The following NRTN variants were observed in gnomAD, a reference collection of about 807,000 sequenced individuals.
NRTN encodes the protein neurturin.
A neutral mutation model predicts 7.5 loss-of-function variants in NRTN; 3 were observed. The ratio of observed to expected loss-of-function variants is 0.40; its 90% CI spans 0.18 to 1.03. The LOEUF (loss-of-function observed/expected upper bound fraction) is 1.03, where lower values mean the gene tolerates loss of function less well. Ranked by LOEUF, NRTN falls within the 50% of genes least tolerant of loss-of-function variation. The probability of loss-of-function intolerance (pLI) is 0.34; values close to 1 mark genes in which losing one functional copy is unlikely to be tolerated. For missense variants in NRTN, 310 were observed against 307.0 expected, an observed-to-expected ratio of 1.01 and a Z score of -0.07; for synonymous variants, 157 against 146.6, an observed-to-expected ratio of 1.07 and a Z score of -0.51.
intron 2 of NRTN, among the ~76,000 whole-genome samples, chr19:5,825,635 G>A (rs2057043181): frequency 6.6e-6 from 1 of 152,234 alleles, no homozygotes; most frequent in African/African-American, 2.4e-5. Flanking sequence ...GGCAAAGCAC[G>A]AATGGAGGAA....
intron 1 of NRTN, among the ~76,000 whole-genome samples, chr19:5,808,316 G>C (rs1599633168): frequency 1.3e-5 from 2 of 152,332 alleles, no homozygotes; most frequent in East Asian, 3.9e-4. Flanking sequence ...GCCTCATTAG[G>C]CTGATCCTGT....
chr19:5,825,969 C>T (rs1040664826), intron 2 of NRTN, among the ~76,000 whole-genome samples: 3 of 152,110 alleles, frequency 2.0e-5, no homozygotes, highest in African/African-American at 7.2e-5. Flanking sequence ...CCTGTCTCTA[C>T]TAAAATTACA....
At chr19:5,812,602 C>T (rs954628869) in intron 1 of NRTN, among the ~76,000 whole-genome samples, 5 of 152,252 alleles carry the variant, frequency 3.3e-5, no homozygotes, top group Non-Finnish European at 7.3e-5. Flanking sequence ...GCTGTCCTGG[C>T]TGCCTCATCC....
chr19:5,827,234 T>C (rs2057049802), intron 2 of NRTN, among the ~76,000 whole-genome samples: 1 of 151,924 alleles, frequency 6.6e-6, no homozygotes, highest in African/African-American at 2.4e-5. Context: ...TATGACAACC[T>C]CACTAAAGAG....
At chr19:5,808,847 C>T (rs1024959593) in intron 1 of NRTN, among the ~76,000 whole-genome samples, 2 of 151,652 alleles carry the variant, frequency 1.3e-5, no homozygotes, top group African/African-American at 4.9e-5. Context: ...GCTCCGCCTC[C>T]CGGGTTCACA....
At chr19:5,810,147 G>C (rs1174800300) in intron 1 of NRTN, among the ~76,000 whole-genome samples, 4 of 150,448 alleles carry the variant, frequency 2.7e-5, no homozygotes, top group Non-Finnish European at 4.4e-5. Flanking sequence ...GGCACCTGTA[G>C]TCCCAGCTAC....
intron 1 of NRTN, among the ~76,000 whole-genome samples, chr19:5,819,762 C>G (rs954301232): frequency 1.3e-5 from 2 of 151,182 alleles, no homozygotes; most frequent in Admixed American, 1.3e-4. Context: ...GTGGGAGGAT[C>G]ACCTGAGCTG....
chr19:5,810,394 T>A (rs2056986558), intron 1 of NRTN, among the ~76,000 whole-genome samples: 1 of 151,730 alleles, frequency 6.6e-6, no homozygotes, highest in Non-Finnish European at 1.5e-5. Context: ...ATTATAGGCA[T>A]GAGCCACCAC....
Position 5,827,849 on chromosome 19 carries a change from G to A in NRTN, c.270G>A (p.Arg90=), listed in dbSNP as rs2057053389. ...PPGPRRRAGP[R]RRRARARLGA... The stretch of plus-strand genomic sequence containing the variant: ...GTCCGCGCCGTCGGGCGGGGCCCCG[G>A]CGGCGGCGCGCGCGTGCGCGGTTGG... Residue 90 remains arginine (R), a synonymous_variant, in exon 3 of 3, where the codon CGG becomes CGA. Transcript: ENST00000303212. 8.5e-7 allele frequency: 1 copy of A among 1,173,156 alleles called. No individual in the cohort carries two copies. Among genetic ancestry groups the A allele is most frequent in the East Asian group, 4.1e-5 (1 of 24,552 alleles). The allele number at this position is 1,173,156 out of a possible 1,614,324, so 72.7% of individuals were successfully genotyped here.
At chr19:5,813,438 G>A (rs143935241) in intron 1 of NRTN, among the ~76,000 whole-genome samples, 2,371 of 151,910 alleles carry the variant, frequency 0.016, 28 homozygotes, top group Middle Eastern at 0.054. Context: ...TTGGGAGGCC[G>A]AAGCGAGCGG....
intron 1 of NRTN, among the ~76,000 whole-genome samples, 199 bp from the exon 2 acceptor site, chr19:5,823,569 C>T (rs1025319325): frequency 6.6e-6 from 1 of 152,170 alleles, no homozygotes; most frequent in African/African-American, 2.4e-5. Flanking sequence ...CACTTCTGGG[C>T]CTGCTTATCC....
At chr19:5,821,762 T>C (rs1036881642) in intron 1 of NRTN, among the ~76,000 whole-genome samples, 2 of 152,132 alleles carry the variant, frequency 1.3e-5, no homozygotes, top group Admixed American at 6.6e-5. Flanking sequence ...TGGTCTAGGA[T>C]TTGTTTAGAT....
chr19:5,815,039 C>T (rs1023776448), intron 1 of NRTN, among the ~76,000 whole-genome samples: 1 of 152,256 alleles, frequency 6.6e-6, no homozygotes, highest in Non-Finnish European at 1.5e-5. Flanking sequence ...CCGTTCCCTC[C>T]TGAGTCCCCC....
chr19:5,822,321 G>A (rs1334161404), intron 1 of NRTN, among the ~76,000 whole-genome samples: 3 of 152,168 alleles, frequency 2.0e-5, no homozygotes, highest in Non-Finnish European at 4.4e-5. Context: ...CCCAGGCCCG[G>A]AGGTGCTGAC....
intron 1 of NRTN, among the ~76,000 whole-genome samples, chr19:5,822,165 C>T (rs888335481): frequency 5.9e-5 from 9 of 152,108 alleles, no homozygotes; most frequent in Admixed American, 3.3e-4. Flanking sequence ...GTTTGAGTTT[C>T]TGCACATCAG....
intron 1 of NRTN, among the ~76,000 whole-genome samples, chr19:5,818,383 C>T (rs1260429157): frequency 2.0e-5 from 3 of 152,020 alleles, no homozygotes; most frequent in Non-Finnish European, 4.4e-5. Context: ...ATGAAAGAAC[C>T]TGAGTGTGAG....
At position 5,828,139 on chromosome 19, in the gene NRTN, A is replaced by C. The variant is rs560593242; in HGVS notation, c.560A>C (p.His187Pro). The C allele has an allele frequency of 1.8e-4, 281 of 1,529,822 alleles. 2 individuals are homozygous for C. The East Asian group carries it at 5.5e-3, about 30-fold the overall frequency. The allele number at this position is 1,529,822 out of a possible 1,614,324, so 94.8% of individuals were successfully genotyped here. Residue 187 changes from histidine (H) to proline (P), a missense_variant, in exon 3 of 3, where the codon CAC (histidine) becomes CCC (proline). Physicochemically the swap from His to Pro is moderately conservative, Grantham distance 77 (BLOSUM62 -2). Coordinates refer to ENST00000303212, the MANE Select transcript of NRTN (RefSeq NM_004558.5). ...GCGCACAGCCGCTACCACACGGTGC[A>C]CGAGCTGTCGGCGCGCGAGTGCGCC... ...LDAHSRYHTVHELSARECACV is the reference protein window; with the variant it reads ...LDAHSRYHTVPELSARECACV
chr19:5,818,178 G>A (rs2057012082), intron 1 of NRTN, among the ~76,000 whole-genome samples: 1 of 151,982 alleles, frequency 6.6e-6, no homozygotes, highest in Middle Eastern at 3.2e-3. Context: ...TGGCCAGGTT[G>A]GTCTCGAACT....
intron 1 of NRTN, among the ~76,000 whole-genome samples, chr19:5,807,510 C>CA (rs2144754575): frequency 6.6e-6 from 1 of 152,156 alleles, no homozygotes; most frequent in African/African-American, 2.4e-5. Context: ...CTGATAATGG[C>CA]CTTGAAGGAA....
Sources: allele counts gnomAD v4.1 joint callset (sites outside exome capture counted in the v4.1 genomes callset), GRCh38; gene constraint gnomAD v4.1.1; transcripts MANE v1.5; gene names NCBI Gene and HGNC (gene_info 2026-07-23, HGNC 2026-07-21).